Variants in PRKD3 observed in about 807,000 individuals in gnomAD.
PRKD3 encodes protein kinase D3.
Under a neutral mutation model 99.2 loss-of-function variants are expected in PRKD3, and 47 were observed. The ratio of observed to expected loss-of-function variants is 0.47; its 90% CI spans 0.38 to 0.60. The LOEUF (loss-of-function observed/expected upper bound fraction) is 0.60, where lower values mean the gene tolerates loss of function less well. PRKD3 is among the 20% of genes least tolerant of loss of function. PRKD3 has a pLI of 0.00. For synonymous variants in PRKD3, 392 were observed against 355.4 expected (o/e 1.10, Z -1.16); for missense variants, 1,019 against 1,088.4 (o/e 0.94, Z 0.90).
At chr2:37,254,972 A>G (rs1465267010) in intron 17 of PRKD3, among the ~76,000 whole-genome samples, 5 of 152,230 alleles carry the variant, frequency 3.3e-5, no homozygotes, top group African/African-American at 4.8e-5. Flanking sequence ...CTACATACTA[A>G]CTACAGCCCT....
intron 11 of PRKD3, among the ~76,000 whole-genome samples, chr2:37,274,136 A>G (rs1466392791): frequency 1.3e-5 from 2 of 152,192 alleles, no homozygotes; most frequent in Non-Finnish European, 2.9e-5. Flanking sequence ...TTACTACTAC[A>G]GTGAGGTAAA....
chr2:37,286,512 A>G, intron 5 of PRKD3, 143 bp from the exon 6 acceptor site: 1 of 647,930 alleles, frequency 1.5e-6, no homozygotes, highest in African/African-American at 1.8e-5. Context: ...TTCCTTTGCA[A>G]TGTTTAATTT....
chr2:37,255,117 G>A (rs1425666172), intron 17 of PRKD3, among the ~76,000 whole-genome samples: 1 of 152,152 alleles, frequency 6.6e-6, no homozygotes, highest in African/African-American at 2.4e-5. Context: ...TGATAGAAGA[G>A]GTCTACAGAA....
chr2:37,265,006 A>G (rs535021823), intron 14 of PRKD3, among the ~76,000 whole-genome samples: 47 of 152,330 alleles, frequency 3.1e-4, no homozygotes, highest in Non-Finnish European at 5.7e-4. Context: ...AGTCTTAATA[A>G]TAATATGCGC....
At chr2:37,257,266 C>T (rs1668026340) in intron 16 of PRKD3, among the ~76,000 whole-genome samples, 1 of 152,138 alleles carries the variant, frequency 6.6e-6, no homozygotes. Context: ...CTTGTAAGAT[C>T]ACTCTTCCAT....
At chr2:37,281,316 T>C (rs1669847922) in intron 7 of PRKD3, among the ~76,000 whole-genome samples, 2 of 152,218 alleles carry the variant, frequency 1.3e-5, no homozygotes, top group Admixed American at 6.5e-5. Flanking sequence ...TAAAAGACTT[T>C]AGTCATAGAC....
intron 14 of PRKD3, among the ~76,000 whole-genome samples, chr2:37,263,772 ATGC>A (rs1668637901): frequency 1.3e-5 from 2 of 152,216 alleles, no homozygotes; most frequent in African/African-American, 4.8e-5. Context: ...CTGAAGAGAC[ATGC>A]ACCTCTGCTT....
chr2:37,275,885 A>G, intron 9 of PRKD3, 41 bp from the exon 10 acceptor site: 1 of 1,585,186 alleles, frequency 6.3e-7, no homozygotes, highest in Non-Finnish European at 8.6e-7. Context: ...TTCAAAAATG[A>G]TTCCTCCAAA....
intron 13 of PRKD3, 97 bp from the exon 14 acceptor site, chr2:37,267,633 T>G: frequency 1.1e-6 from 1 of 937,716 alleles, no homozygotes; most frequent in Non-Finnish European, 1.6e-6. Flanking sequence ...TACTCTTGAA[T>G]TTTCTTTTTG....
chr2:37,259,523 T>C, intron 16 of PRKD3, 60 bp downstream of exon 16: 1 of 1,336,886 alleles, frequency 7.5e-7, no homozygotes, highest in Non-Finnish European at 1.1e-6. Context: ...TGCCTTTTAT[T>C]ATGTGGGTGC....
At chr2:37,273,925 T>G (rs1448365560) in intron 11 of PRKD3, among the ~76,000 whole-genome samples, 4 of 152,244 alleles carry the variant, frequency 2.6e-5, no homozygotes, top group Admixed American at 2.6e-4. Context: ...TTTCTGTATG[T>G]TTTAATACAG....
chr2:37,265,331 C>T (rs1474929248), intron 14 of PRKD3, among the ~76,000 whole-genome samples: 1 of 152,052 alleles, frequency 6.6e-6, no homozygotes, highest in Non-Finnish European at 1.5e-5. Context: ...TCTTATGAAA[C>T]TAATTTCAGT....
At chr2:37,316,105 T>C in intron 2 of PRKD3, 132 bp downstream of exon 2, 2 of 942,348 alleles carry the variant, frequency 2.1e-6, no homozygotes, top group Non-Finnish European at 3.2e-6. Context: ...CAGAGGTCAT[T>C]AGAACTCTTC....
At position 37,253,051 on chromosome 2, in the gene PRKD3, C is replaced by T. The variant is rs985001412; in HGVS notation, c.*126G>A. ...ATTATGAACTACAGTACTGGTGTCA[C>T]TTATTCGTTATCATATTTCTTCATA... On this transcript the variant is annotated 3_prime_UTR_variant, in exon 19 of 19. Coordinates refer to ENST00000234179, the MANE Select transcript of PRKD3 (RefSeq NM_005813.6). The T allele has an allele frequency of 1.2e-5, 12 of 1,005,852 alleles. No homozygotes were observed. Among genetic ancestry groups the T allele is most frequent in the Middle Eastern group, 3.3e-4 (1 of 3,040 alleles). The allele number at this position is 1,005,852 out of a possible 1,614,324, so 62.3% of individuals were successfully genotyped here.
At chr2:37,315,358 A>C (rs1308788804) in intron 2 of PRKD3, among the ~76,000 whole-genome samples, 2 of 152,188 alleles carry the variant, frequency 1.3e-5, no homozygotes, top group African/African-American at 4.8e-5. Flanking sequence ...AACCACCCTG[A>C]ATTTTCAAAT....
At chr2:37,271,609 C>G (rs1291260958) in intron 12 of PRKD3, among the ~76,000 whole-genome samples, 1 of 152,222 alleles carries the variant, frequency 6.6e-6, no homozygotes. Context: ...ACTGCCCAAG[C>G]TCCGCCTCCT....
chr2:37,278,818 T>A (rs1158221175), intron 8 of PRKD3: 1 of 151,956 alleles, frequency 6.6e-6, no homozygotes, highest in Non-Finnish European at 1.5e-5. Context: ...GTGCCTGTAG[T>A]CCCAGCTACT....
At chr2:37,257,405 C>T (rs1417650345) in intron 16 of PRKD3, among the ~76,000 whole-genome samples, 1 of 152,072 alleles carries the variant, frequency 6.6e-6, no homozygotes, top group Non-Finnish European at 1.5e-5. Context: ...GTGGCTCACA[C>T]CTGTAATCCC....
intron 2 of PRKD3, among the ~76,000 whole-genome samples, chr2:37,296,661 G>C (rs540897056): frequency 1.1e-3 from 160 of 152,104 alleles, no homozygotes; most frequent in African/African-American, 3.8e-3. Flanking sequence ...ACTTTGGGAG[G>C]CCGCGGCGGG....
Sources: allele counts gnomAD v4.1 joint callset (sites outside exome capture counted in the v4.1 genomes callset), GRCh38; gene constraint gnomAD v4.1.1; transcripts MANE v1.5; gene names NCBI Gene and HGNC (gene_info 2026-07-23, HGNC 2026-07-21).